XPOT: variants seen among roughly 807,000 people sequenced by gnomAD.
XPOT encodes exportin-T.
In XPOT, 34 loss-of-function variants were observed where a neutral mutation model predicts 128.2. The observed-to-expected ratio is 0.27, with a 90% CI of 0.20 to 0.35. XPOT has a LOEUF of 0.35. Among genes scored for constraint, XPOT ranks in the 10% least tolerant of loss-of-function variants. XPOT has a pLI of 1.00. For synonymous variants in XPOT, 348 were observed against 394.3 expected (o/e 0.88, Z 1.39); for missense variants, 838 against 1,125.3 (o/e 0.74, Z 3.65).
intron 18 of XPOT, among the ~76,000 whole-genome samples, chr12:64,432,942 G>GT (rs781041427): frequency 1.2e-4 from 19 of 152,128 alleles, no homozygotes; most frequent in Non-Finnish European, 2.5e-4. Context: ...ATTTTTTAAG[G>GT]TTTTTTCCCC....
At chr12:64,445,039 T>G in intron 23 of XPOT, 36 bp from the exon 24 acceptor site, 2 of 1,553,146 alleles carry the variant, frequency 1.3e-6, no homozygotes, top group Non-Finnish European at 1.8e-6. Context: ...TACAAATACA[T>G]TTGTTCTTTT....
At chr12:64,416,557 A>C (rs2040089094) in intron 3 of XPOT, 141 bp from the exon 4 acceptor site, 1 of 605,516 alleles carries the variant, frequency 1.7e-6, no homozygotes, top group Non-Finnish European at 2.9e-6. Context: ...TAATGTCATA[A>C]AATGAGACCA....
chr12:64,419,518 A>G (rs1167267473), intron 6 of XPOT, among the ~76,000 whole-genome samples: 1 of 152,130 alleles, frequency 6.6e-6, no homozygotes, highest in Non-Finnish European at 1.5e-5. Flanking sequence ...GGGTTTCGCC[A>G]GGCTGTGCTC....
At chr12:64,430,449 G>A (rs1326898875) in intron 17 of XPOT, among the ~76,000 whole-genome samples, 162 bp downstream of exon 17, 2 of 152,176 alleles carry the variant, frequency 1.3e-5, no homozygotes, top group African/African-American at 4.8e-5. Flanking sequence ...GTTGAAGAAG[G>A]GGATAGGTTA....
chr12:64,443,417 C>T (rs904338788), intron 23 of XPOT: 1 of 152,140 alleles, frequency 6.6e-6, no homozygotes, highest in African/African-American at 2.4e-5. Flanking sequence ...AATATTAAGT[C>T]TTCAGTCCAT....
intron 23 of XPOT, among the ~76,000 whole-genome samples, chr12:64,441,042 T>C (rs2040320834): frequency 6.6e-6 from 1 of 152,206 alleles, no homozygotes; most frequent in African/African-American, 2.4e-5. Flanking sequence ...TTTTCTCCTA[T>C]GTTTTCTTCT....
rs2040389793 is a variant in XPOT, at chr12:64,449,198, A to AG, written c.*1067_*1068insG. Reference sequence around the variant, plus strand: ...CAAGAGAGTAAGACTCTCTCTCAAAAAAAAAAAAAAAGAATTTAAAATCCC... The same window carrying AG: ...CAAGAGAGTAAGACTCTCTCTCAAAAGAAAAAAAAAAAGAATTTAAAATCCC... On this transcript the variant is annotated 3_prime_UTR_variant, in exon 25 of 25. Coordinates refer to ENST00000332707, the MANE Select transcript of XPOT (RefSeq NM_007235.6). 1 of 151,616 alleles carries AG rather than the reference A, an allele frequency of 6.6e-6. No homozygotes were observed. The highest frequency in any genetic ancestry group is 1.5e-5 in the Non-Finnish European group (1 of 67,898). The allele number at this position is 151,616 out of a possible 1,614,324, so 9.4% of individuals were successfully genotyped here.
In XPOT at chr12:64,434,819, T is replaced by G; in HGVS notation, c.2595T>G (p.Phe865Leu). The G allele has an allele frequency of 6.2e-7, 1 of 1,612,146 alleles. No individual in the cohort carries two copies. Among genetic ancestry groups the G allele is most frequent in the South Asian group, 1.1e-5 (1 of 90,988 alleles). ...LWGGKDGPVG[F>L]ADFVYKHIVP... ...GAGGTAAAGATGGACCAGTGGGATT[T>G]GCTGATTTTGTTTATAAGCACATTG... Residue 865 changes from phenylalanine (F) to leucine (L), a missense_variant, in exon 21 of 25, where the codon TTT becomes TTG. Coordinates refer to ENST00000332707, the MANE Select transcript of XPOT (RefSeq NM_007235.6).
At chr12:64,421,152 C>T (rs1565797496) in intron 8 of XPOT, 83 bp from the exon 9 acceptor site, 2 of 962,574 alleles carry the variant, frequency 2.1e-6, no homozygotes, top group East Asian at 2.4e-5. Context: ...CTGTAATTAG[C>T]ACTTGATTCA....
chr12:64,413,870 AATT>A (rs1308250947), intron 2 of XPOT, among the ~76,000 whole-genome samples: 7 of 152,232 alleles, frequency 4.6e-5, no homozygotes, highest in Admixed American at 4.6e-4. Context: ...CATTTTTAAA[AATT>A]ATTGTTCAGG....
Position 64,415,790 on chromosome 12 carries a change from G to C in XPOT, c.143+801G>C, listed in dbSNP as rs142374206. On this transcript the variant is annotated intron_variant, in intron 3 of 24. Transcript: ENST00000332707. ...ATACTAACTAGCATTCACTTTATTC[G>C]TAGGTTGGTCACACCTGTAACCCAT... is the stretch of plus-strand genomic sequence containing the variant. 2.7e-4 allele frequency among the ~76,000 whole-genome samples: 41 copies of C among 152,056 alleles called. 1 individual carries two copies. Among genetic ancestry groups the C allele is most frequent in the African/African-American group, 9.2e-4 (38 of 41,460 alleles).
chr12:64,434,884 A>T lies in XPOT; in HGVS notation c.2660A>T (p.Asp887Val). The T allele has an allele frequency of 6.2e-7, 1 of 1,612,444 alleles. No individual in the cohort carries two copies. Among genetic ancestry groups the T allele is most frequent in the Non-Finnish European group, 8.5e-7 (1 of 1,179,976 alleles). The part of the protein sequence containing the change: ...CFLAPLKQTF[D>V]LADAQTVLAL... ...CTAGCACCTTTAAAACAAACCTTTGACCTGGCAGATGCACAAACAGTATTG... is the reference window on the plus strand; with the variant it reads ...CTAGCACCTTTAAAACAAACCTTTGTCCTGGCAGATGCACAAACAGTATTG... The change falls in exon 21 of 25, where the codon GAC becomes GTC. Residue 887 changes from aspartate (D) to valine (V), a missense_variant. By Grantham distance (152) the Asp-to-Val change is radical. This residue lies in a region of XPOT where 21 missense variants were observed against 57.8 expected (regional missense o/e 0.36). Coordinates refer to ENST00000332707, the MANE Select transcript of XPOT (RefSeq NM_007235.6).
At position 64,420,426 on chromosome 12, in the gene XPOT, G is replaced by A; in HGVS notation, c.748G>A (p.Val250Ile). The change falls in exon 8 of 25, where the codon GTT becomes ATT. Residue 250 changes from valine (V) to isoleucine (I), a missense_variant. Val to Ile is a conservative substitution (Grantham distance 29). Around this residue, in one of 3 missense-constraint regions of XPOT, gnomAD observed 761 missense variants for 988.3 expected, o/e 0.77. Transcript: ENST00000332707. ...AGAAGCATGTGACTGTTTATTTGAA[G>A]TTGTAAATAAAGGAATGGACCCTGT... ...REEACDCLFE[V>I]VNKGMDPVDK... The A allele has an allele frequency of 1.2e-6, 2 of 1,613,186 alleles. No homozygotes were observed. The highest frequency in any genetic ancestry group is 2.2e-5 in the South Asian group (2 of 91,056).
At position 64,431,733 on chromosome 12, in the gene XPOT, A is replaced by G. The variant is rs2040240250; in HGVS notation, c.2172A>G (p.Pro724=). Reference sequence around the variant, plus strand: ...AGGAAGAAGTTCTTCCGTTCATTCCATCTGCTTCAGAACATATGCTCAAAG... The same window carrying G: ...AGGAAGAAGTTCTTCCGTTCATTCCGTCTGCTTCAGAACATATGCTCAAAG... ...CLEEEVLPFI[P]SASEHMLKDC... The change falls in exon 18 of 25, where the codon CCA becomes CCG. Residue 724 remains proline, a synonymous_variant. Transcript: ENST00000332707. 6.2e-7 allele frequency: 1 copy of G among 1,614,114 alleles called. No individual in the cohort carries two copies. The highest frequency in any genetic ancestry group is 1.7e-5 in the Admixed American group (1 of 60,008).
intron 22 of XPOT, 23 bp downstream of exon 22, chr12:64,435,697 CT>C: frequency 6.3e-7 from 1 of 1,581,050 alleles, no homozygotes; most frequent in Middle Eastern, 1.7e-4. Context: ...GTCCATGCCC[CT>C]TCATTTTCAT....
rs138012428 is a variant in XPOT, at chr12:64,423,016, C to T, written c.1092C>T (p.Leu364=). 1.4e-5 allele frequency: 23 copies of T among 1,613,162 alleles called. No individual in the cohort carries two copies. In the African/African-American group the frequency reaches 2.5e-4, roughly 18 times the overall value. The part of the protein sequence containing the change: ...YLHILKQLTV[L]SDQQKANVEA... ...TTCCTTTTTAACAGCTTACAGTGCT[C>T]TCGGATCAGCAAAAAGCTAATGTAG... The change falls in exon 10 of 25, where the codon CTC becomes CTT. Residue 364 remains leucine (L), a synonymous_variant. Coordinates refer to ENST00000332707, the MANE Select transcript of XPOT (RefSeq NM_007235.6).
chr12:64,424,816 A>T (rs1272261149), intron 12 of XPOT, 93 bp downstream of exon 12: 1 of 1,488,598 alleles, frequency 6.7e-7, no homozygotes, highest in Non-Finnish European at 9.1e-7. Context: ...TTATTAATCC[A>T]TGTTACTTAT....
chr12:64,415,099 T>G lies in XPOT; in HGVS notation c.143+110T>G, dbSNP rs565719823. ...TTTCATAAAAACATTTTATGACTTT[T>G]TTTTTTTTTTGCAAAGCCATTAACA... On this transcript the variant is annotated intron_variant, in intron 3 of 24. Coordinates refer to ENST00000332707, the MANE Select transcript of XPOT (RefSeq NM_007235.6). 4.2e-6 allele frequency: 3 copies of G among 715,460 alleles called. No homozygotes were observed. In the East Asian group the frequency reaches 7.8e-5, roughly 19 times the overall value. 44.3% of individuals were successfully genotyped at this position (715,460 alleles called of 1,614,324 possible).
chr12:64,435,001 ATT>A (rs555729725), intron 21 of XPOT, 92 bp downstream of exon 21: 7 of 1,024,090 alleles, frequency 6.8e-6, no homozygotes, highest in Non-Finnish European at 9.8e-6. Flanking sequence ...TGTTTCATTG[ATT>A]TTTTTTTTAA....
Sources: allele counts gnomAD v4.1 joint callset (sites outside exome capture counted in the v4.1 genomes callset), GRCh38; gene constraint gnomAD v4.1.1; regional missense constraint gnomAD v4.1.1; transcripts MANE v1.5; gene names NCBI Gene and HGNC (gene_info 2026-07-23, HGNC 2026-07-21).